Variants in PTGFRN observed in about 807,000 individuals in gnomAD.
PTGFRN encodes prostaglandin F2 receptor negative regulator.
PTGFRN carries 35 observed loss-of-function variants against 83.2 expected under a neutral mutation model. The observed-to-expected ratio is 0.42, with a 90% CI of 0.32 to 0.56. The LOEUF (loss-of-function observed/expected upper bound fraction) is 0.56. Among genes scored for constraint, PTGFRN ranks in the 20% least tolerant of loss-of-function variants. PTGFRN has a pLI of 0.11. For missense variants in PTGFRN, 1,051 were observed against 1,179.5 expected (o/e 0.89, Z 1.60); for synonymous variants, 519 against 498.6 (o/e 1.04, Z -0.55).
chr1:116,917,253 G>A (rs998507487), intron 1 of PTGFRN, among the ~76,000 whole-genome samples: 25 of 152,192 alleles, frequency 1.6e-4, no homozygotes, highest in Non-Finnish European at 3.1e-4. Flanking sequence ...GTGGTGTGGA[G>A]CAGAAGACCA....
chr1:116,945,111 G>GT lies in PTGFRN; in HGVS notation c.832+21dup. 1 of 1,585,710 alleles carries GT rather than the reference G, an allele frequency of 6.3e-7. No homozygotes were observed. Among genetic ancestry groups the GT allele is most frequent in the Non-Finnish European group, 8.6e-7 (1 of 1,163,962 alleles). ...CCATCAGGTGAGCTGGAAACGATGCGTTATAGGTGATGTTATTTTGTGACT... is the reference window on the plus strand; with the variant it reads ...CCATCAGGTGAGCTGGAAACGATGCGTTTATAGGTGATGTTATTTTGTGACT... On this transcript the variant is annotated intron_variant, in intron 3 of 8. Transcript: ENST00000393203.
rs1649579673 is a variant in PTGFRN, at chr1:116,923,179, G to T, written c.49+12927G>T. Among the ~76,000 whole-genome samples, 1 of 152,168 alleles carries T rather than the reference G, an allele frequency of 6.6e-6. No individual in the cohort carries two copies. Among genetic ancestry groups the T allele is most frequent in the African/African-American group, 2.4e-5 (1 of 41,446 alleles). On this transcript the variant is annotated intron_variant, in intron 1 of 8. Coordinates refer to ENST00000393203, the MANE Select transcript of PTGFRN (RefSeq NM_020440.4). The surrounding 1 kb of genome is among the most constrained non-coding windows in gnomAD (Gnocchi z 4.0). Reference sequence around the variant, plus strand: ...TGTTTTTGCTTACCCCAGCATGTAGGAACTTGAATCTTTGAATAATTGAAT... The same window carrying T: ...TGTTTTTGCTTACCCCAGCATGTAGTAACTTGAATCTTTGAATAATTGAAT...
rs71096893 is a variant in PTGFRN, at chr1:116,983,498, CAAAA to C, written c.2168-1161_2168-1158del. ...AGTTTCCTTGGAGAGACACTGGGAACAAAAAAAAAAAAAAAAAAAAAAAATTATG... is the reference window on the plus strand; with the variant it reads ...AGTTTCCTTGGAGAGACACTGGGAACAAAAAAAAAAAAAAAAAAAATTATG... On this transcript the variant is annotated intron_variant, in intron 7 of 8. Transcript: ENST00000393203. 3.8e-3 allele frequency among the ~76,000 whole-genome samples: 397 copies of C among 104,000 alleles called. 1 individual carries two copies. The highest frequency in any genetic ancestry group is 0.03 in the South Asian group (98 of 3,262). The allele number at this position is 104,000 out of a possible 152,430, so 68.2% of individuals were successfully genotyped here. A position where few individuals can be genotyped will look rare whatever the true frequency, so the allele number is the denominator to read the frequency against.
intron 8 of PTGFRN, among the ~76,000 whole-genome samples, chr1:116,986,167 G>T (rs1320930564): frequency 7.2e-6 from 1 of 139,726 alleles, no homozygotes; most frequent in Admixed American, 7.6e-5. Flanking sequence ...TAGCCCAGTG[G>T]CAGCGTCCAC....
rs777045257 is a variant in PTGFRN, at chr1:116,952,025, C to T, written c.1213+2453C>T. 1.3e-5 allele frequency among the ~76,000 whole-genome samples: 2 copies of T among 152,142 alleles called. No homozygotes were observed. Among genetic ancestry groups the T allele is most frequent in the African/African-American group, 4.8e-5 (2 of 41,424 alleles). On this transcript the variant is annotated intron_variant, in intron 4 of 8. Transcript: ENST00000393203. This position sits in a 1 kb window ranked among gnomAD's most constrained non-coding sequence, Gnocchi z 4.0. ...TGGAATGTTGTCACAGAAAAGTTTT[C>T]GAGAGAGTTGGTTTGCTACACAGGT...
At chr1:116,928,537 A>G (rs192689943) in intron 1 of PTGFRN, among the ~76,000 whole-genome samples, 3 of 152,208 alleles carry the variant, frequency 2.0e-5, no homozygotes, top group African/African-American at 7.2e-5. Flanking sequence ...ATTCACACCA[A>G]TCGTAGTTTG....
chr1:116,955,254 C>G (rs1383036463), intron 4 of PTGFRN, among the ~76,000 whole-genome samples: 1 of 152,318 alleles, frequency 6.6e-6, no homozygotes, highest in African/African-American at 2.4e-5. Context: ...GGGAGCAGAT[C>G]CCTGCTTCTC....
Position 116,926,695 on chromosome 1 carries a change from C to CTT in PTGFRN, c.50-15013_50-15012dup, listed in dbSNP as rs548062097. On this transcript the variant is annotated intron_variant, in intron 1 of 8. Coordinates refer to ENST00000393203, the MANE Select transcript of PTGFRN (RefSeq NM_020440.4). ...AAGCAATGCTATGCATGTAAGGTGT[C>CTT]TTTTTTTTGCCAGTTACTGAGTCTT... Among the ~76,000 whole-genome samples the CTT allele has an allele frequency of 1.9e-3, 282 of 151,980 alleles. 1 individual carries two copies. The highest frequency in any genetic ancestry group is 6.4e-3 in the African/African-American group (264 of 41,480).
At chr1:116,951,114 CT>C (rs78620244) in intron 4 of PTGFRN, among the ~76,000 whole-genome samples, 222 of 146,010 alleles carry the variant, frequency 1.5e-3, no homozygotes, top group Non-Finnish European at 1.6e-3. Flanking sequence ...AACTCGAGGA[CT>C]TTTTTTTTTT....
Position 116,984,736 on chromosome 1 carries a change from G to A in PTGFRN, c.2224G>A (p.Ala742Thr), listed in dbSNP as rs767195214. 1 of 1,614,196 alleles carries A rather than the reference G, an allele frequency of 6.2e-7. No individual in the cohort carries two copies. Among genetic ancestry groups the A allele is most frequent in the South Asian group, 1.1e-5 (1 of 91,082 alleles). ...GGTGCACTCTTTTGGCCTGGACAAG[G>A]CTCCTGTGCTCCTGTCTTCCCTGGA... ...FAVHSFGLDK[A>T]PVLLSSLDRK... The change falls in exon 8 of 9, where the codon GCT (alanine) becomes ACT (threonine). Residue 742 changes from alanine (A) to threonine (T), a missense_variant. Physicochemically the swap from Ala to Thr is moderately conservative, Grantham distance 58 (BLOSUM62 0). Coordinates refer to ENST00000393203, the MANE Select transcript of PTGFRN (RefSeq NM_020440.4).
intron 1 of PTGFRN, among the ~76,000 whole-genome samples, chr1:116,940,529 G>A (rs1650034574): frequency 6.6e-6 from 1 of 152,140 alleles, no homozygotes; most frequent in Admixed American, 6.5e-5. Context: ...GGTACTGGGG[G>A]CTAGAACTTC....
intron 1 of PTGFRN, among the ~76,000 whole-genome samples, chr1:116,919,703 T>TA (rs1649493182): frequency 6.6e-6 from 1 of 152,236 alleles, no homozygotes; most frequent in South Asian, 2.1e-4. Context: ...CAAACCCAGG[T>TA]AGTCTGGCTC....
chr1:116,953,310 C>A (rs1650393995), intron 4 of PTGFRN, among the ~76,000 whole-genome samples: 4 of 152,088 alleles, frequency 2.6e-5, no homozygotes, highest in Admixed American at 2.6e-4. Flanking sequence ...GAGTTCTGGG[C>A]CATTTATAGG....
rs575279440 is a variant in PTGFRN, at chr1:116,954,422, C to A, written c.1213+4850C>A. On this transcript the variant is annotated intron_variant, in intron 4 of 8. Transcript: ENST00000393203. ...GATTGGTCAATATGCTCAGCTGCCT[C>A]TAAAGTACCTACCCAATTCAAAATA... Among the ~76,000 whole-genome samples the A allele has an allele frequency of 1.2e-4, 18 of 152,262 alleles. No homozygotes were observed. In the East Asian group the frequency reaches 3.3e-3, roughly 28 times the overall value.
rs144891211 is a variant in PTGFRN at position 116,984,605 on chromosome 1, C to T, written c.2168-75C>T. 1.2e-4 allele frequency: 180 copies of T among 1,447,816 alleles called. 1 individual carries two copies. In the African/African-American group the frequency reaches 2.0e-3, roughly 16 times the overall value. 89.7% of individuals were successfully genotyped at this position (1,447,816 alleles called of 1,614,324 possible). A position where few individuals can be genotyped will look rare whatever the true frequency, so the allele number is the denominator to read the frequency against. ...TGCTTGCCATACGTAGTAAGGGCCT[C>T]ATACATGGATGTGGCCATACATATG... On this transcript the variant is annotated intron_variant, in intron 7 of 8. Coordinates refer to ENST00000393203, the MANE Select transcript of PTGFRN (RefSeq NM_020440.4).
intron 1 of PTGFRN, among the ~76,000 whole-genome samples, chr1:116,911,986 T>C (rs1264262131): frequency 6.6e-6 from 1 of 152,202 alleles, no homozygotes; most frequent in Non-Finnish European, 1.5e-5. Flanking sequence ...GTTCACTTTG[T>C]AGTCTGTGTG....
intron 1 of PTGFRN, among the ~76,000 whole-genome samples, chr1:116,930,213 AC>A (rs1649759037): frequency 1.3e-5 from 2 of 152,236 alleles, no homozygotes; most frequent in Middle Eastern, 3.4e-3. Flanking sequence ...GTTACTTCAA[AC>A]CCTTTCTTGA....
intron 6 of PTGFRN, among the ~76,000 whole-genome samples, chr1:116,971,654 G>C (rs1418295122): frequency 6.6e-6 from 1 of 152,184 alleles, no homozygotes; most frequent in Admixed American, 6.5e-5. Context: ...CCTGTGAATA[G>C]CTCACCACAA....
chr1:116,987,073 C>G lies in PTGFRN; in HGVS notation c.*106C>G. On this transcript the variant is annotated 3_prime_UTR_variant, in exon 9 of 9. Coordinates refer to ENST00000393203, the MANE Select transcript of PTGFRN (RefSeq NM_020440.4). Reference sequence around the variant, plus strand: ...GTGTGTTACACTAAAAACCAGTCCTCTCTAATCTCAGGTGGGACTTGGCGC... The same window carrying G: ...GTGTGTTACACTAAAAACCAGTCCTGTCTAATCTCAGGTGGGACTTGGCGC... 7.3e-7 allele frequency: 1 copy of G among 1,364,208 alleles called. No homozygotes were observed. The highest frequency in any genetic ancestry group is 2.3e-5 in the East Asian group (1 of 43,166). 84.5% of individuals were successfully genotyped at this position (1,364,208 alleles called of 1,614,324 possible). A position where few individuals can be genotyped will look rare whatever the true frequency, so the allele number is the denominator to read the frequency against.
Sources: allele counts gnomAD v4.1 joint callset (sites outside exome capture counted in the v4.1 genomes callset), GRCh38; gene constraint gnomAD v4.1.1; non-coding constraint Gnocchi (gnomAD v3.1); transcripts MANE v1.5; gene names NCBI Gene and HGNC (gene_info 2026-07-23, HGNC 2026-07-21).